The following PCDH15 variants were observed in gnomAD, a reference collection of about 807,000 sequenced individuals.
PCDH15 encodes protocadherin-15.
PCDH15 carries 129 observed loss-of-function variants against 178.5 expected under a neutral mutation model. That is an observed-to-expected ratio of 0.72 (90% CI 0.63 to 0.84). PCDH15 has a LOEUF of 0.84. Ranked by LOEUF, PCDH15 falls within the 40% of genes least tolerant of loss-of-function variation. The pLI is 0.00. For missense variants in PCDH15, 2,230 were observed against 2,099.9 expected, an observed-to-expected ratio of 1.06 and a Z score of -1.21; for synonymous variants, 800 against 732.0, an observed-to-expected ratio of 1.09 and a Z score of -1.50.
intron 2 of PCDH15, among the ~76,000 whole-genome samples, chr10:55,368,601 C>T (rs956893479): frequency 9.2e-5 from 14 of 152,138 alleles, no homozygotes; most frequent in Non-Finnish European, 1.8e-4. Context: ...AGTTACTTGC[C>T]ATTATTTATA....
chr10:55,331,260 C>T (rs1472353145), intron 2 of PCDH15, among the ~76,000 whole-genome samples: 1 of 151,730 alleles, frequency 6.6e-6, no homozygotes, highest in South Asian at 2.1e-4. Context: ...TGGGTATTTC[C>T]TATTGATATT....
intron 10 of PCDH15, among the ~76,000 whole-genome samples, chr10:54,200,320 A>G (rs1232115750): frequency 7.6e-6 from 1 of 131,972 alleles, no homozygotes; most frequent in Non-Finnish European, 1.5e-5. Flanking sequence ...ACATGTGCAG[A>G]ATGTGCAGGT....
chr10:54,467,608 T>G (rs993855276), intron 3 of PCDH15, among the ~76,000 whole-genome samples: 22 of 147,136 alleles, frequency 1.5e-4, no homozygotes, highest in African/African-American at 4.0e-4. Flanking sequence ...GTAGTTTTTT[T>G]TTTTTTTTTT....
At chr10:54,280,102 CTT>C (rs2058591731) in intron 8 of PCDH15, among the ~76,000 whole-genome samples, 1 of 151,588 alleles carries the variant, frequency 6.6e-6, no homozygotes, top group South Asian at 2.1e-4. Context: ...TTAGAAGAAA[CTT>C]TGCAGATTAT....
rs150202944 is a variant in PCDH15, at chr10:53,976,616, G to A, written c.2869-14724C>T. 1.4e-3 allele frequency among the ~76,000 whole-genome samples: 213 copies of A among 152,152 alleles called. 1 individual carries two copies. In the East Asian group the frequency reaches 0.023, roughly 17 times the overall value. On this transcript the variant is annotated intron_variant, in intron 21 of 37. Transcript: ENST00000644397. The stretch of plus-strand genomic sequence containing the variant: ...ATTTTTATAGCACATATGCTTATGT[G>A]AAATTATGTTACATATTTACTTGTG...
intron 2 of PCDH15, among the ~76,000 whole-genome samples, chr10:54,581,654 A>G (rs908172782): frequency 6.6e-6 from 1 of 152,130 alleles, no homozygotes; most frequent in Non-Finnish European, 1.5e-5. Flanking sequence ...CAGAGGCATC[A>G]TATTATCCGA....
At chr10:54,681,005 A>G (rs2094889618) in intron 1 of PCDH15, among the ~76,000 whole-genome samples, 2 of 152,208 alleles carry the variant, frequency 1.3e-5, no homozygotes, top group South Asian at 2.1e-4. Context: ...AGAGAATCCC[A>G]TAACAGGGAA....
chr10:55,579,072 T>C (rs1842553965), intron 2 of PCDH15, among the ~76,000 whole-genome samples: 1 of 152,188 alleles, frequency 6.6e-6, no homozygotes, highest in African/African-American at 2.4e-5. Context: ...TTTCAAACTT[T>C]TGTGGTTTTG....
intron 2 of PCDH15, among the ~76,000 whole-genome samples, chr10:54,920,654 C>T (rs548701963): frequency 2.6e-4 from 40 of 152,120 alleles, no homozygotes; most frequent in African/African-American, 9.4e-4. Context: ...ATTGAACCCG[C>T]AGAATACACA....
chr10:54,739,021 T>G (rs1416121315), intron 1 of PCDH15, among the ~76,000 whole-genome samples: 1 of 152,002 alleles, frequency 6.6e-6, no homozygotes, highest in East Asian at 1.9e-4. Flanking sequence ...TAGGCTAACT[T>G]TCACCACTCT....
chr10:54,356,232 T>G (rs1364559011), intron 5 of PCDH15, among the ~76,000 whole-genome samples: 1 of 152,050 alleles, frequency 6.6e-6, no homozygotes, highest in East Asian at 1.9e-4. Flanking sequence ...TTTTGAAACA[T>G]TCATGCACAA....
intron 2 of PCDH15, among the ~76,000 whole-genome samples, chr10:54,598,132 G>A (rs377137507): frequency 2.6e-5 from 4 of 152,050 alleles, no homozygotes; most frequent in African/African-American, 9.7e-5. Flanking sequence ...CTCATTCTAT[G>A]AGGCCAGTAT....
intron 2 of PCDH15, among the ~76,000 whole-genome samples, chr10:55,608,563 T>C (rs1003873521): frequency 6.6e-6 from 1 of 151,914 alleles, no homozygotes; most frequent in Non-Finnish European, 1.5e-5. Context: ...GGTATATATC[T>C]GTTACCAAAA....
At chr10:54,866,537 A>G (rs1380342539) in intron 3 of PCDH15, among the ~76,000 whole-genome samples, 1 of 152,236 alleles carries the variant, frequency 6.6e-6, no homozygotes, top group African/African-American at 2.4e-5. Flanking sequence ...TCTAATTATC[A>G]ATGATACAGG....
At chr10:53,831,090 G>GAATT (rs2076989044) in intron 30 of PCDH15, 2 of 747,386 alleles carry the variant, frequency 2.7e-6, no homozygotes, top group South Asian at 2.7e-5. Flanking sequence ...GAAAGAGACC[G>GAATT]AATTAGAATC....
In PCDH15 at chr10:54,307,084, A is replaced by G. The variant is rs1432295221; in HGVS notation, c.876+10187T>C. Among the ~76,000 whole-genome samples the G allele has an allele frequency of 2.5e-4, 2 of 8,046 alleles. 1 individual carries two copies. The highest frequency in any genetic ancestry group is 9.9e-4 in the African/African-American group (2 of 2,012). The allele number at this position is 8,046 out of a possible 152,430, so 5.3% of individuals were successfully genotyped here. On this transcript the variant is annotated intron_variant, in intron 8 of 37. Transcript: ENST00000644397. Reference sequence around the variant, plus strand: ...TATATATATATATATATATATACATATATATATATGTGTGTGTGTGTATAT... The same window carrying G: ...TATATATATATATATATATATACATGTATATATATGTGTGTGTGTGTATAT...
intron 2 of PCDH15, among the ~76,000 whole-genome samples, chr10:55,528,037 AT>A (rs1057222403): frequency 3.3e-5 from 5 of 150,862 alleles, no homozygotes; most frequent in African/African-American, 9.7e-5. Flanking sequence ...TTTTACAAAA[AT>A]TTTTTTTTAA....
intron 2 of PCDH15, among the ~76,000 whole-genome samples, chr10:54,916,584 C>A (rs920717885): frequency 1.6e-4 from 24 of 152,030 alleles, no homozygotes; most frequent in Admixed American, 1.2e-3. Context: ...GTATTATGAG[C>A]AGAAAAATCA....
intron 2 of PCDH15, among the ~76,000 whole-genome samples, chr10:55,029,477 G>A (rs1840557324): frequency 6.6e-6 from 1 of 151,918 alleles, no homozygotes; most frequent in Non-Finnish European, 1.5e-5. Context: ...ATGTACACTA[G>A]ACTCAACACT....
Sources: gnomAD v4.1 joint callset for allele counts (sites outside exome capture counted in the v4.1 genomes callset) on GRCh38, gnomAD v4.1.1 for gene constraint, MANE v1.5 for transcripts, NCBI Gene and HGNC (gene_info 2026-07-23, HGNC 2026-07-21) for gene names.